CRYZ: variants seen among roughly 807,000 people sequenced by gnomAD.
CRYZ encodes crystallin zeta.
A neutral mutation model predicts 34.1 loss-of-function variants in CRYZ; 35 were observed. The observed-to-expected ratio is 1.03, with a 90% CI of 0.78 to 1.36. The LOEUF is 1.36. CRYZ is among the 40% of genes most tolerant of loss of function. The pLI, the probability that CRYZ is intolerant of heterozygous loss-of-function variation, is 0.00. For missense variants in CRYZ, 403 were observed against 391.8 expected (o/e 1.03, Z -0.24); for synonymous variants, 137 against 136.5 (o/e 1.00, Z -0.03).
intron 1 of CRYZ, among the ~76,000 whole-genome samples, chr1:74,731,014 T>G (rs1557736784): frequency 1.3e-5 from 2 of 152,234 alleles, no homozygotes; most frequent in Non-Finnish European, 2.9e-5. Context: ...CGGATCCTTG[T>G]GAACAGGACA....
Position 74,707,071 on chromosome 1 carries a change from GTAA to G in CRYZ, c.732+29_732+31del, listed in dbSNP as rs1646939587. On this transcript the variant is annotated intron_variant, in intron 7 of 8. Coordinates refer to ENST00000340866, the MANE Select transcript of CRYZ (RefSeq NM_001889.4). ...TAAATTGTGGTAAAACATTAAAGTGGTAAAAAAAAAAAAAAGAAAAGGAATACT... is the reference window on the plus strand; with the variant it reads ...TAAATTGTGGTAAAACATTAAAGTGGAAAAAAAAAAAAGAAAAGGAATACT... The G allele has an allele frequency of 7.6e-6, 10 of 1,317,922 alleles. No individual in the cohort carries two copies. The East Asian group carries it at 9.8e-5, about 13-fold the overall frequency. The allele number at this position is 1,317,922 out of a possible 1,614,324, so 81.6% of individuals were successfully genotyped here. A position where few individuals can be genotyped will look rare whatever the true frequency, so the allele number is the denominator to read the frequency against.
intron 5 of CRYZ, among the ~76,000 whole-genome samples, chr1:74,711,638 C>T (rs538492957): frequency 2.6e-5 from 4 of 152,256 alleles, no homozygotes; most frequent in African/African-American, 9.6e-5. Flanking sequence ...GTAATCCCAG[C>T]TATGTGGGAG....
chr1:74,718,511 C>T (rs951640092), intron 4 of CRYZ, among the ~76,000 whole-genome samples: 4 of 152,124 alleles, frequency 2.6e-5, no homozygotes, highest in African/African-American at 7.2e-5. Context: ...TGAGAGATTA[C>T]TCTGTTCCAA....
chr1:74,718,812 A>G (rs1346981524), intron 4 of CRYZ, among the ~76,000 whole-genome samples: 1 of 152,134 alleles, frequency 6.6e-6, no homozygotes, highest in Admixed American at 6.6e-5. Flanking sequence ...ATTCTAATGG[A>G]TAACAAGATT....
Position 74,732,949 on chromosome 1 carries a change from C to A in CRYZ, c.-14+7G>T, listed in dbSNP as rs1647929821. On this transcript the variant is annotated splice_region_variant and intron_variant, in intron 1 of 8. Transcript: ENST00000340866. ...AACAACTAAGGAGAGTTTTTAAAACCACTTACCAGAATCTAGAGTGGGAAT... is the reference window on the plus strand; with the variant it reads ...AACAACTAAGGAGAGTTTTTAAAACAACTTACCAGAATCTAGAGTGGGAAT... 1 of 412,152 alleles carries A rather than the reference C, an allele frequency of 2.4e-6. No homozygotes were observed. Among genetic ancestry groups the A allele is most frequent in the Non-Finnish European group, 4.4e-6 (1 of 229,464 alleles). 25.5% of individuals were successfully genotyped at this position (412,152 alleles called of 1,614,324 possible).
intron 8 of CRYZ, 108 bp from the exon 9 acceptor site, chr1:74,706,565 T>C: frequency 9.6e-7 from 1 of 1,038,196 alleles, no homozygotes; most frequent in Non-Finnish European, 1.4e-6. Context: ...AAGAGTCTCT[T>C]ACAAATGTGT....
intron 1 of CRYZ, among the ~76,000 whole-genome samples, chr1:74,727,644 C>CA (rs1169467605): frequency 0.64 from 30,950 of 48,604 alleles, 10,324 homozygotes; most frequent in East Asian, 0.9. Context: ...GACTCTGTCT[C>CA]AAAAAAAAAA....
intron 1 of CRYZ, among the ~76,000 whole-genome samples, chr1:74,726,354 G>C (rs1294425342): frequency 6.6e-6 from 1 of 152,222 alleles, no homozygotes; most frequent in African/African-American, 2.4e-5. Flanking sequence ...CTTGTGCACT[G>C]GCAGGCCCAA....
intron 3 of CRYZ, among the ~76,000 whole-genome samples, chr1:74,722,905 C>T (rs562054431): frequency 1.3e-5 from 2 of 151,734 alleles, no homozygotes; most frequent in Admixed American, 6.6e-5. Context: ...CAGAAATTAC[C>T]CAGCACCTAT....
At chr1:74,709,950 A>G in intron 6 of CRYZ, 148 bp downstream of exon 6, 1 of 624,918 alleles carries the variant, frequency 1.6e-6, no homozygotes, top group Non-Finnish European at 2.7e-6. Context: ...TTTTTTAAAT[A>G]AAGTTTTAAA....
intron 3 of CRYZ, among the ~76,000 whole-genome samples, chr1:74,721,007 C>A (rs191441111): frequency 6.6e-6 from 1 of 151,998 alleles, no homozygotes; most frequent in African/African-American, 2.4e-5. Flanking sequence ...GAGAAGCTAA[C>A]AATTGAGGTA....
At chr1:74,712,326 C>T (rs763083730) in intron 5 of CRYZ, among the ~76,000 whole-genome samples, 20 of 152,108 alleles carry the variant, frequency 1.3e-4, no homozygotes, top group Non-Finnish European at 2.8e-4. Flanking sequence ...TCTCTAGATG[C>T]CAGAACCCCT....
At chr1:74,725,466 G>A in intron 1 of CRYZ, among the ~76,000 whole-genome samples, 1 of 152,132 alleles carries the variant, frequency 6.6e-6, no homozygotes, top group Middle Eastern at 3.2e-3. Context: ...CTTATTCACT[G>A]TCACTAGAAC....
intron 4 of CRYZ, among the ~76,000 whole-genome samples, chr1:74,715,941 GGAA>G (rs1647067162): frequency 2.0e-5 from 3 of 148,526 alleles, no homozygotes; most frequent in African/African-American, 7.5e-5. Flanking sequence ...GATTAACAAT[GGAA>G]TAGCTGGATT....
In CRYZ at chr1:74,714,571, ATACT is replaced by A. The variant is rs750352525; in HGVS notation, c.480+4_480+7del. ...CTTGTTTCAAAATACATTAAAAAAA[ATACT>A]TACTCCTCCACTTGCCCCATGAACC... is the stretch of plus-strand genomic sequence containing the variant. On this transcript the variant is annotated splice_donor_5th_base_variant and intron_variant, in intron 5 of 8. Transcript: ENST00000340866. The A allele has an allele frequency of 1.6e-5, 26 of 1,612,984 alleles. No homozygotes were observed. The South Asian group carries it at 2.1e-4, about 13-fold the overall frequency.
At chr1:74,716,116 G>C (rs1338572905) in intron 4 of CRYZ, among the ~76,000 whole-genome samples, 4 of 151,840 alleles carry the variant, frequency 2.6e-5, no homozygotes, top group Non-Finnish European at 5.9e-5. Context: ...CCATCTGCTG[G>C]CCCACCGCAA....
intron 1 of CRYZ, among the ~76,000 whole-genome samples, chr1:74,727,671 A>G (rs997728633): frequency 7.5e-6 from 1 of 133,146 alleles, no homozygotes; most frequent in East Asian, 2.4e-4. Context: ...AAAAAAACCC[A>G]ACAGATCTCA....
At chr1:74,718,798 G>A (rs898555445) in intron 4 of CRYZ, among the ~76,000 whole-genome samples, 44 of 152,216 alleles carry the variant, frequency 2.9e-4, no homozygotes, top group African/African-American at 1.0e-3. Context: ...TTGCTGCCTA[G>A]ATGATTCTAA....
chr1:74,732,693 G>A (rs1647900399), intron 1 of CRYZ: 2 of 152,506 alleles, frequency 1.3e-5, no homozygotes, highest in African/African-American at 4.8e-5. Context: ...ACCTCATGGT[G>A]TGGTAGCCTA....
Sources: allele counts gnomAD v4.1 joint callset (sites outside exome capture counted in the v4.1 genomes callset), GRCh38; gene constraint gnomAD v4.1.1; transcripts MANE v1.5; gene names NCBI Gene and HGNC (gene_info 2026-07-23, HGNC 2026-07-21).